PACRG: variants seen among roughly 807,000 people sequenced by gnomAD.
The protein encoded by PACRG is parkin coregulated, also known as parkin coregulated gene protein.
Under a neutral mutation model 29.7 loss-of-function variants are expected in PACRG, and 29 were observed. The observed-to-expected ratio is 0.98, with a 90% CI of 0.73 to 1.33. The LOEUF is 1.33. Among genes scored for constraint, PACRG ranks in the 40% most tolerant of loss-of-function variants. The pLI, the probability that PACRG is intolerant of heterozygous loss-of-function variation, is 0.00. For missense variants in PACRG, 279 were observed against 316.2 expected (o/e 0.88, Z 0.89); for synonymous variants, 116 against 118.7 (o/e 0.98, Z 0.15).
At chr6:162,735,953 C>T (rs891022169) in intron 1 of PACRG, among the ~76,000 whole-genome samples, 3 of 152,102 alleles carry the variant, frequency 2.0e-5, no homozygotes, top group East Asian at 3.9e-4. Context: ...AGCTTGGGCT[C>T]AAGAAAAGAA....
At chr6:163,269,823 GAAAGAAAGAAAGAA>G (rs1195552447) in intron 4 of PACRG, among the ~76,000 whole-genome samples, 3,211 of 27,788 alleles carry the variant, frequency 0.12, 574 homozygotes, top group African/African-American at 0.26. Flanking sequence ...GAAGGAAGGA[GAAAGAAAGAAAGAA>G]AAAGAAAGAA....
intron 4 of PACRG, among the ~76,000 whole-genome samples, chr6:163,219,643 GC>G (rs1222417467): frequency 2.8e-5 from 4 of 142,306 alleles, no homozygotes; most frequent in Non-Finnish European, 4.5e-5. Flanking sequence ...TCCTCCTGCA[GC>G]TCAGCCTGCC....
intron 4 of PACRG, among the ~76,000 whole-genome samples, chr6:163,108,404 T>C (rs1235971119): frequency 7.0e-6 from 1 of 143,198 alleles, no homozygotes; most frequent in African/African-American, 2.6e-5. Context: ...TTTTTTTTTT[T>C]TTTTTTTTTT....
intron 2 of PACRG, among the ~76,000 whole-genome samples, chr6:162,842,685 C>T (rs1789908850): frequency 8.5e-6 from 1 of 117,842 alleles, no homozygotes; most frequent in Admixed American, 9.0e-5. Flanking sequence ...CAGTTTCTTC[C>T]TAGTCTCGAT....
At chr6:162,971,992 G>C (rs1801570189) in intron 2 of PACRG, among the ~76,000 whole-genome samples, 1 of 152,154 alleles carries the variant, frequency 6.6e-6, no homozygotes, top group Non-Finnish European at 1.5e-5. Context: ...CAGGCTCTAA[G>C]GCCTGTCTCA....
At chr6:162,737,189 C>T (rs960086623) in intron 1 of PACRG, among the ~76,000 whole-genome samples, 7 of 152,122 alleles carry the variant, frequency 4.6e-5, no homozygotes, top group East Asian at 3.9e-4. Flanking sequence ...TTTGACTTCC[C>T]GGACCTTGCC....
chr6:163,188,858 A>G (rs1378153549), intron 4 of PACRG, among the ~76,000 whole-genome samples: 1 of 152,244 alleles, frequency 6.6e-6, no homozygotes, highest in Admixed American at 6.5e-5. Flanking sequence ...CAAAGCAAGC[A>G]TGGGCTTAGG....
chr6:162,933,317 A>G (rs985227889), intron 2 of PACRG, among the ~76,000 whole-genome samples: 5 of 152,118 alleles, frequency 3.3e-5, no homozygotes, highest in African/African-American at 7.2e-5. Flanking sequence ...AAGAATGTGT[A>G]TATTACAGTT....
chr6:162,797,219 G>C (rs540004937), intron 1 of PACRG, among the ~76,000 whole-genome samples: 4 of 152,162 alleles, frequency 2.6e-5, no homozygotes, highest in Admixed American at 1.3e-4. Flanking sequence ...AGGTTACAGT[G>C]AGCCGAGATC....
intron 2 of PACRG, among the ~76,000 whole-genome samples, chr6:162,999,120 T>C (rs1028713052): frequency 6.6e-6 from 1 of 152,206 alleles, no homozygotes; most frequent in African/African-American, 2.4e-5. Context: ...CATTTTAAAT[T>C]ACTTGTGCAA....
intron 4 of PACRG, among the ~76,000 whole-genome samples, chr6:163,285,394 C>T (rs182881799): frequency 4.6e-5 from 7 of 152,208 alleles, no homozygotes; most frequent in African/African-American, 1.4e-4. Context: ...CTAGATCTCC[C>T]GTCTAAGCTC....
intron 2 of PACRG, among the ~76,000 whole-genome samples, chr6:162,875,413 CCACA>C (rs1312301184): frequency 6.7e-6 from 1 of 150,310 alleles, no homozygotes; most frequent in African/African-American, 2.5e-5. Context: ...ACAGACATTC[CCACA>C]CAGTCATGCA....
At chr6:163,108,298 C>T (rs925680648) in intron 4 of PACRG, among the ~76,000 whole-genome samples, 9 of 151,828 alleles carry the variant, frequency 5.9e-5, no homozygotes, top group Non-Finnish European at 7.4e-5. Flanking sequence ...GCTTGCCCTT[C>T]GCCTTCTACC....
At chr6:163,259,850 C>T (rs529816481) in intron 4 of PACRG, among the ~76,000 whole-genome samples, 17 of 152,304 alleles carry the variant, frequency 1.1e-4, no homozygotes, top group African/African-American at 4.1e-4. Context: ...CCATCCGCCC[C>T]GCTCCACCCC....
intron 1 of PACRG, among the ~76,000 whole-genome samples, chr6:162,746,761 T>A (rs1421410450): frequency 6.6e-6 from 1 of 152,196 alleles, no homozygotes; most frequent in Non-Finnish European, 1.5e-5. Flanking sequence ...TAGCTTAGTG[T>A]GTGAAAGTGA....
At chr6:163,110,701 C>T (rs573096825) in intron 4 of PACRG, among the ~76,000 whole-genome samples, 1 of 152,318 alleles carries the variant, frequency 6.6e-6, no homozygotes, top group African/African-American at 2.4e-5. Flanking sequence ...CTCTAGCAGC[C>T]CCTGGGCTGT....
At chr6:163,012,593 G>A (rs1217125435) in intron 2 of PACRG, among the ~76,000 whole-genome samples, 3 of 152,252 alleles carry the variant, frequency 2.0e-5, no homozygotes, top group African/African-American at 4.8e-5. Context: ...CTGTCTGACC[G>A]ACTGGGCAGA....
chr6:163,148,978 G>C (rs1416404538), intron 4 of PACRG, among the ~76,000 whole-genome samples: 1 of 54,482 alleles, frequency 1.8e-5, no homozygotes, highest in Non-Finnish European at 4.0e-5. Context: ...GGGGGGGGGG[G>C]GGGTGGAAAA....
intron 2 of PACRG, among the ~76,000 whole-genome samples, chr6:163,002,174 T>C (rs1040795989): frequency 1.3e-5 from 2 of 152,236 alleles, no homozygotes; most frequent in African/African-American, 4.8e-5. Flanking sequence ...TTACTTAGGT[T>C]GATCTATATA....
Sources: gnomAD v4.1 joint callset for allele counts (sites outside exome capture counted in the v4.1 genomes callset) on GRCh38, gnomAD v4.1.1 for gene constraint, MANE v1.5 for transcripts, NCBI Gene and HGNC (gene_info 2026-07-23, HGNC 2026-07-21) for gene names.